Variants in NRXN3 observed in about 807,000 individuals in gnomAD.
The protein encoded by NRXN3 is neurexin III.
NRXN3 carries 32 observed loss-of-function variants against 137.6 expected under a neutral mutation model. That is an observed-to-expected ratio of 0.23 (90% CI 0.18 to 0.31). The LOEUF (loss-of-function observed/expected upper bound fraction) is 0.31, where lower values mean the gene tolerates loss of function less well. Among genes scored for constraint, NRXN3 ranks in the 10% least tolerant of loss-of-function variants. NRXN3 has a pLI of 1.00. For missense variants in NRXN3, 1,574 were observed against 2,062.5 expected, an observed-to-expected ratio of 0.76 and a Z score of 4.59; for synonymous variants, 798 against 784.5, an observed-to-expected ratio of 1.02 and a Z score of -0.29.
At chr14:78,532,372 A>ATTTT (rs1407121785) in intron 4 of NRXN3, among the ~76,000 whole-genome samples, 9 of 93,094 alleles carry the variant, frequency 9.7e-5, no homozygotes, top group African/African-American at 4.5e-4. Flanking sequence ...AATTGATGAT[A>ATTTT]TTTTGTGTGT....
chr14:79,496,963 T>A (rs2096773212), intron 16 of NRXN3, among the ~76,000 whole-genome samples: 1 of 152,144 alleles, frequency 6.6e-6, no homozygotes, highest in South Asian at 2.1e-4. Flanking sequence ...CGGGTATTAA[T>A]CCATTTACTC....
chr14:78,761,087 C>G (rs2098690892), intron 8 of NRXN3, among the ~76,000 whole-genome samples: 1 of 152,134 alleles, frequency 6.6e-6, no homozygotes. Context: ...ATATCTAGAA[C>G]TGGGGAAAGG....
At position 79,117,109 on chromosome 14, in the gene NRXN3, T is replaced by C. The variant is rs139909362; in HGVS notation, c.3262+128968T>C. 5.3e-5 allele frequency among the ~76,000 whole-genome samples: 8 copies of C among 152,360 alleles called. No individual in the cohort carries two copies. The East Asian group carries it at 1.5e-3, about 29-fold the overall frequency. ...CTAACACTTGAGACATATTCAAGAA[T>C]AAGACACACATAGTCCTTGTCCTAC... On this transcript the variant is annotated intron_variant, in intron 15 of 20. Coordinates refer to ENST00000335750, the MANE Select transcript of NRXN3 (RefSeq NM_001330195.2).
chr14:79,121,456 G>T (rs1395763758), intron 15 of NRXN3, among the ~76,000 whole-genome samples: 2 of 152,180 alleles, frequency 1.3e-5, no homozygotes, highest in Non-Finnish European at 2.9e-5. Flanking sequence ...CTTTTCAATA[G>T]TCTCAACATT....
chr14:79,219,261 T>C (rs1342728125), intron 15 of NRXN3, among the ~76,000 whole-genome samples: 1 of 152,066 alleles, frequency 6.6e-6, no homozygotes, highest in African/African-American at 2.4e-5. Context: ...GAGCTAAGAC[T>C]ATAGGCATCA....
chr14:78,851,662 G>A (rs1314178143), intron 10 of NRXN3, among the ~76,000 whole-genome samples: 1 of 152,184 alleles, frequency 6.6e-6, no homozygotes, highest in African/African-American at 2.4e-5. Flanking sequence ...TTCACAATCT[G>A]AATCAAGCTG....
intron 4 of NRXN3, among the ~76,000 whole-genome samples, chr14:78,449,650 A>G (rs1052263543): frequency 6.6e-6 from 1 of 152,224 alleles, no homozygotes; most frequent in Non-Finnish European, 1.5e-5. Flanking sequence ...AGCTATGAGA[A>G]GTTTTGGGGC....
intron 10 of NRXN3, among the ~76,000 whole-genome samples, chr14:78,905,655 AG>A (rs2152759222): frequency 6.6e-6 from 1 of 152,190 alleles, no homozygotes; most frequent in South Asian, 2.1e-4. Context: ...TTTGAATAAA[AG>A]TCTAACTGTT....
At chr14:79,431,079 T>A (rs1008449064) in intron 15 of NRXN3, among the ~76,000 whole-genome samples, 18 of 152,164 alleles carry the variant, frequency 1.2e-4, no homozygotes, top group Non-Finnish European at 1.5e-5. Context: ...GATCCAGGAC[T>A]GAATGCATAG....
chr14:78,820,636 C>A (rs1479584717), intron 10 of NRXN3, among the ~76,000 whole-genome samples: 2 of 152,072 alleles, frequency 1.3e-5, no homozygotes, highest in Non-Finnish European at 2.9e-5. Context: ...CAAGCCTGTG[C>A]CAGCCCTCTG....
At chr14:78,776,596 A>G (rs2098745706) in intron 8 of NRXN3, among the ~76,000 whole-genome samples, 1 of 152,134 alleles carries the variant, frequency 6.6e-6, no homozygotes, top group African/African-American at 2.4e-5. Flanking sequence ...TTAGGTAGTT[A>G]TTTATTTTTC....
At position 79,086,208 on chromosome 14, in the gene NRXN3, C is replaced by T. The variant is rs114219575; in HGVS notation, c.3262+98067C>T. ...AATTCTTGGATGAAATTCTACAGGT[C>T]ATTTAGCCCATCTCCTATATTGCAC... On this transcript the variant is annotated intron_variant, in intron 15 of 20. Coordinates refer to ENST00000335750, the MANE Select transcript of NRXN3 (RefSeq NM_001330195.2). Among the ~76,000 whole-genome samples the T allele has an allele frequency of 7.3e-3, 1,117 of 152,184 alleles. 11 individuals are homozygous for T. The highest frequency in any genetic ancestry group is 0.026 in the African/African-American group (1,076 of 41,506).
chr14:78,393,352 C>T (rs974899392), intron 4 of NRXN3, among the ~76,000 whole-genome samples: 3 of 152,134 alleles, frequency 2.0e-5, no homozygotes, highest in South Asian at 4.2e-4. Context: ...AGGTTATTGA[C>T]GCTGATATCA....
At chr14:78,781,440 T>C (rs1217470261) in intron 8 of NRXN3, among the ~76,000 whole-genome samples, 1 of 152,198 alleles carries the variant, frequency 6.6e-6, no homozygotes, top group African/African-American at 2.4e-5. Context: ...TATTATTATT[T>C]CTACTTGTTC....
intron 16 of NRXN3, among the ~76,000 whole-genome samples, chr14:79,495,595 C>G (rs2153663387): frequency 6.6e-6 from 1 of 152,208 alleles, no homozygotes; most frequent in East Asian, 1.9e-4. Flanking sequence ...ACATGTCAGG[C>G]ACTGTTCTTC....
At chr14:79,454,943 T>C (rs1166468654) in intron 15 of NRXN3, among the ~76,000 whole-genome samples, 1 of 152,260 alleles carries the variant, frequency 6.6e-6, no homozygotes, top group Non-Finnish European at 1.5e-5. Context: ...ATTGAAATGC[T>C]ATTCAAAAAA....
intron 15 of NRXN3, among the ~76,000 whole-genome samples, chr14:79,314,972 G>C (rs959047840): frequency 3.3e-5 from 5 of 152,310 alleles, no homozygotes; most frequent in African/African-American, 1.2e-4. Flanking sequence ...GCTTTTGCCA[G>C]GACGCCTGCT....
At chr14:78,509,244 A>G (rs2096058986) in intron 4 of NRXN3, among the ~76,000 whole-genome samples, 1 of 152,194 alleles carries the variant, frequency 6.6e-6, no homozygotes, top group Non-Finnish European at 1.5e-5. Context: ...GGTTACAGTG[A>G]GCCAAGATCG....
chr14:79,257,322 T>A (rs1336250989), intron 15 of NRXN3, among the ~76,000 whole-genome samples: 1 of 94,510 alleles, frequency 1.1e-5, no homozygotes, highest in Non-Finnish European at 2.1e-5. Context: ...AGAAGTTCTG[T>A]GGATAGCAAT....
Sources: allele counts gnomAD v4.1 joint callset (sites outside exome capture counted in the v4.1 genomes callset), GRCh38; gene constraint gnomAD v4.1.1; transcripts MANE v1.5; gene names NCBI Gene and HGNC (gene_info 2026-07-23, HGNC 2026-07-21).